TET3: variants seen among roughly 807,000 people sequenced by gnomAD.
TET3 encodes tet methylcytosine dioxygenase 3, also known as methylcytosine dioxygenase TET3.
A neutral mutation model predicts 141.4 loss-of-function variants in TET3; 19 were observed. That is an observed-to-expected ratio of 0.13 (90% CI 0.09 to 0.20). The LOEUF (loss-of-function observed/expected upper bound fraction) is 0.20. Among genes scored for constraint, TET3 ranks in the 10% least tolerant of loss-of-function variants. TET3 has a pLI of 1.00. For synonymous variants in TET3, 1,043 were observed against 980.9 expected (o/e 1.06, Z -1.18); for missense variants, 1,874 against 2,356.9 (o/e 0.80, Z 4.24).
At chr2:73,988,446 G>A (rs1380277800) in intron 2 of TET3, among the ~76,000 whole-genome samples, 1 of 152,238 alleles carries the variant, frequency 6.6e-6, no homozygotes, top group African/African-American at 2.4e-5. Flanking sequence ...CTAAGTTGAA[G>A]TGCTGCTTTT....
chr2:74,115,351 T>C, the TET3 span, among the ~76,000 whole-genome samples: 3,052 of 152,244 alleles, frequency 0.02, 110 homozygotes, highest in African/African-American at 0.07. Flanking sequence ...TTCTCACTTA[T>C]AAGCAGGAGC....
chr2:74,071,012 T>C (rs1689173053), intron 4 of TET3, among the ~76,000 whole-genome samples: 1 of 152,070 alleles, frequency 6.6e-6, no homozygotes, highest in Non-Finnish European at 1.5e-5. Context: ...GTTTAAATAA[T>C]GAACATTGAT....
At chr2:74,062,972 C>T (rs1235077950) in intron 4 of TET3, among the ~76,000 whole-genome samples, 2 of 150,788 alleles carry the variant, frequency 1.3e-5, no homozygotes, top group Non-Finnish European at 2.9e-5. Flanking sequence ...CAACTTCCGC[C>T]TCCTGGGTTC....
chr2:74,091,892 C>T (rs915635996), intron 8 of TET3, among the ~76,000 whole-genome samples: 1 of 137,946 alleles, frequency 7.2e-6, no homozygotes, highest in African/African-American at 3.3e-5. Flanking sequence ...AGTGCTGTCC[C>T]ACAGTACTTT....
the TET3 span, among the ~76,000 whole-genome samples, chr2:74,114,301 CG>C: frequency 0.51 from 77,740 of 151,266 alleles, 21,090 homozygotes; most frequent in East Asian, 0.86. Context: ...CTTGGGGACT[CG>C]GGGGGGAGGG....
chr2:74,120,740 T>C, the TET3 span: 1 of 152,356 alleles, frequency 6.6e-6, no homozygotes, highest in East Asian at 1.9e-4. Flanking sequence ...TCATCATATC[T>C]GCCAAGGAAA....
intron 5 of TET3, among the ~76,000 whole-genome samples, chr2:74,076,160 T>TA (rs1456723079): frequency 2.1e-5 from 3 of 141,970 alleles, no homozygotes; most frequent in African/African-American, 7.5e-5. Flanking sequence ...GACATATGTC[T>TA]TTTTTTTTTT....
chr2:74,020,494 G>A (rs1207068532), intron 3 of TET3, among the ~76,000 whole-genome samples: 1 of 152,220 alleles, frequency 6.6e-6, no homozygotes, highest in African/African-American at 2.4e-5. Flanking sequence ...CATTTTATAT[G>A]TAAGCTTTTG....
At chr2:73,995,856 G>A (rs1454576974) in intron 2 of TET3, among the ~76,000 whole-genome samples, 2 of 152,196 alleles carry the variant, frequency 1.3e-5, no homozygotes, top group Admixed American at 1.3e-4. Flanking sequence ...AAGGTAAGTG[G>A]TGAGGTCTCT....
chr2:74,007,368 C>T (rs1195783997), intron 3 of TET3, among the ~76,000 whole-genome samples: 1 of 152,148 alleles, frequency 6.6e-6, no homozygotes, highest in African/African-American at 2.4e-5. Context: ...GTCATTGTTT[C>T]CCGGATCTAG....
intron 3 of TET3, among the ~76,000 whole-genome samples, chr2:74,032,451 C>CTGTGTGTGTGTG (rs61217149): frequency 9.7e-5 from 7 of 71,952 alleles, no homozygotes; most frequent in African/African-American, 4.5e-4. Context: ...GGGTGTGTCT[C>CTGTGTGTGTGTG]TGTGTGTGTG....
chr2:74,081,445 G>A (rs1467285836), intron 6 of TET3, among the ~76,000 whole-genome samples: 1 of 152,208 alleles, frequency 6.6e-6, no homozygotes, highest in Non-Finnish European at 1.5e-5. Flanking sequence ...TGGAGACTGG[G>A]GTCGTTGAGA....
At chr2:74,002,592 G>A (rs1048383851) in intron 2 of TET3, 1 of 331,190 alleles carries the variant, frequency 3.0e-6, no homozygotes, top group African/African-American at 2.2e-5. Context: ...CCCGCCTCCC[G>A]GCTGGGCAGG....
chr2:74,109,707 A>G (rs1019892860), downstream of TET3, among the ~76,000 whole-genome samples: 20 of 152,190 alleles, frequency 1.3e-4, no homozygotes, highest in Admixed American at 9.2e-4. Context: ...CCTGTCCACC[A>G]CTACTCCCCA....
intron 2 of TET3, among the ~76,000 whole-genome samples, chr2:73,986,975 C>T (rs779229814): frequency 1.8e-4 from 28 of 152,310 alleles, no homozygotes; most frequent in Non-Finnish European, 3.7e-4. Flanking sequence ...CTACCTTTAC[C>T]TCTAGAAGTT....
At chr2:74,027,308 C>T (rs369355406) in intron 3 of TET3, among the ~76,000 whole-genome samples, 6 of 148,508 alleles carry the variant, frequency 4.0e-5, no homozygotes, top group Middle Eastern at 6.6e-3. Flanking sequence ...TTTAGACTTT[C>T]GGGGTAGAAG....
Position 74,087,799 on chromosome 2 carries a change from C to T in TET3, c.2680-31C>T, listed in dbSNP as rs1244419638. 6.6e-7 allele frequency: 1 copy of T among 1,526,144 alleles called. No homozygotes were observed. Among genetic ancestry groups the T allele is most frequent in the Non-Finnish European group, 8.8e-7 (1 of 1,131,826 alleles). The allele number at this position is 1,526,144 out of a possible 1,614,324, so 94.5% of individuals were successfully genotyped here. ...CATGCAGAGGAGCACGGGTACCTGG[C>T]TCCTGCCCCTCACACCCTGCGTCCC... On this transcript the variant is annotated intron_variant, in intron 6 of 11. Transcript: ENST00000409262. The surrounding 1 kb of genome is among the most constrained non-coding windows in gnomAD (Gnocchi z 4.3).
In TET3 at chr2:73,986,786, G is replaced by C. The variant is rs1684049002; in HGVS notation, c.303+80G>C. ...CGGGGGTCTTGTTCAAGCAAGGCTC[G>C]TCCAGTTGAGTCCATTCTCTCATTT... On this transcript the variant is annotated intron_variant, in intron 2 of 11. Coordinates refer to ENST00000409262, the MANE Select transcript of TET3 (RefSeq NM_001287491.2). The C allele has an allele frequency of 4.3e-6, 5 of 1,150,900 alleles. No individual in the cohort carries two copies. In the South Asian group the frequency reaches 1.8e-4, roughly 42 times the overall value. The allele number at this position is 1,150,900 out of a possible 1,614,324, so 71.3% of individuals were successfully genotyped here.
intron 2 of TET3, among the ~76,000 whole-genome samples, chr2:73,999,049 G>A (rs1242460812): frequency 6.6e-6 from 1 of 152,174 alleles, no homozygotes; most frequent in Non-Finnish European, 1.5e-5. Flanking sequence ...ATCAGAGAAG[G>A]CTTCCTGGAG....
Sources: gnomAD v4.1 joint callset for allele counts (sites outside exome capture counted in the v4.1 genomes callset) on GRCh38, gnomAD v4.1.1 for gene constraint, Gnocchi (gnomAD v3.1) non-coding constraint, MANE v1.5 for transcripts, NCBI Gene and HGNC (gene_info 2026-07-23, HGNC 2026-07-21) for gene names.